The following RNF4 variants were observed in gnomAD, a reference collection of about 807,000 sequenced individuals.
The protein encoded by RNF4 is E3 ubiquitin-protein ligase RNF4.
RNF4 carries 7 observed loss-of-function variants against 24.3 expected under a neutral mutation model. The observed-to-expected ratio is 0.29, with a 90% CI of 0.16 to 0.54. RNF4 has a LOEUF of 0.54. Among genes scored for constraint, RNF4 ranks in the 20% least tolerant of loss-of-function variants. The pLI, the probability that RNF4 is intolerant of heterozygous loss-of-function variation, is 0.95. For missense variants in RNF4, 209 were observed against 248.5 expected, an observed-to-expected ratio of 0.84 and a Z score of 1.07; for synonymous variants, 83 against 84.3, an observed-to-expected ratio of 0.98 and a Z score of 0.09.
At chr4:2,470,576 A>G (rs1196807383) in intron 1 of RNF4, among the ~76,000 whole-genome samples, 1 of 152,198 alleles carries the variant, frequency 6.6e-6, no homozygotes, top group Non-Finnish European at 1.5e-5. Flanking sequence ...TTGTTTTTCT[A>G]ATCTTCATGA....
At chr4:2,492,724 T>C (rs1735618309) in intron 2 of RNF4, among the ~76,000 whole-genome samples, 1 of 152,118 alleles carries the variant, frequency 6.6e-6, no homozygotes, top group Non-Finnish European at 1.5e-5. Flanking sequence ...CTGGCCGCCA[T>C]TGTGCTCCAG....
intron 1 of RNF4, among the ~76,000 whole-genome samples, chr4:2,477,150 G>A (rs1194287977): frequency 2.0e-5 from 3 of 152,182 alleles, no homozygotes; most frequent in South Asian, 2.1e-4. Context: ...GAATACAGGT[G>A]CTGATATGGT....
At position 2,509,162 on chromosome 4, in the gene RNF4, G is replaced by A. The variant is rs117206896; in HGVS notation, c.205-2794G>A. ...TCAAACTCCCGACCTCAGGTTTTCT[G>A]CCCGCCTCTGCCTCCCAAAATGCTG... is the stretch of plus-strand genomic sequence containing the variant. On this transcript the variant is annotated intron_variant, in intron 4 of 7. Transcript: ENST00000314289. Among the ~76,000 whole-genome samples the A allele has an allele frequency of 3.5e-3, 532 of 151,492 alleles. 21 individuals carry two copies. The East Asian group carries it at 0.095, about 27-fold the overall frequency.
At chr4:2,513,341 C>G (rs181106905) in intron 7 of RNF4, among the ~76,000 whole-genome samples, 326 of 152,304 alleles carry the variant, frequency 2.1e-3, no homozygotes, top group Non-Finnish European at 2.4e-3. Flanking sequence ...CCCTATACTC[C>G]TGTATGCCCT....
chr4:2,495,922 C>T (rs1306736175), intron 2 of RNF4, among the ~76,000 whole-genome samples: 1 of 152,202 alleles, frequency 6.6e-6, no homozygotes, highest in Non-Finnish European at 1.5e-5. Context: ...TGAGCCACTG[C>T]GCCTGGCCAG....
At chr4:2,504,726 A>ATTTTTTTTTTTTTTTT (rs1182588172) in intron 4 of RNF4, among the ~76,000 whole-genome samples, 1 of 61,126 alleles carries the variant, frequency 1.6e-5, no homozygotes, top group Non-Finnish European at 3.2e-5. Flanking sequence ...CATTTTTTGT[A>ATTTTTTTTTTTTTTTT]TTTTTTTTTT....
intron 4 of RNF4, among the ~76,000 whole-genome samples, chr4:2,510,357 C>T (rs1736237364): frequency 6.6e-6 from 1 of 152,208 alleles, no homozygotes; most frequent in Admixed American, 6.5e-5. Flanking sequence ...GCTGCTGTGT[C>T]TGCTCCATGA....
chr4:2,477,606 C>T (rs1213544836), intron 1 of RNF4, among the ~76,000 whole-genome samples: 2 of 151,854 alleles, frequency 1.3e-5, no homozygotes, highest in African/African-American at 4.8e-5. Context: ...AGATCTGATG[C>T]TTTTATAAGG....
intron 1 of RNF4, among the ~76,000 whole-genome samples, chr4:2,487,528 TGCCTGCCTCA>T (rs753491567): frequency 1.3e-5 from 2 of 152,216 alleles, no homozygotes; most frequent in Non-Finnish European, 2.9e-5. Flanking sequence ...TCAAGTGATC[TGCCTGCCTCA>T]GCCTCCCAGA....
At chr4:2,499,568 G>T in intron 3 of RNF4, 1 of 216,368 alleles carries the variant, frequency 4.6e-6, no homozygotes, top group South Asian at 4.9e-5. Flanking sequence ...GAACCACTGT[G>T]CCTGGCCCAT....
Position 2,512,263 on chromosome 4 carries a change from T to C in RNF4, c.215-175T>C. On this transcript the variant is annotated intron_variant, in intron 5 of 7. Coordinates refer to ENST00000314289, the MANE Select transcript of RNF4 (RefSeq NM_002938.5). The surrounding 1 kb of genome is among the most constrained non-coding windows in gnomAD (Gnocchi z 4.1). ...GGGGGTTTCTCCTGGGAAGATAAGA[T>C]AGTGGCCTCCAGAGCTGGGCAGAAC... 4 of 770,214 alleles carry C rather than the reference T, an allele frequency of 5.2e-6. No individual in the cohort carries two copies. The highest frequency in any genetic ancestry group is 6.3e-6 in the Non-Finnish European group (3 of 474,032). 47.7% of individuals were successfully genotyped at this position (770,214 alleles called of 1,614,324 possible). A position where few individuals can be genotyped will look rare whatever the true frequency, so the allele number is the denominator to read the frequency against.
intron 3 of RNF4, chr4:2,499,337 G>A (rs568096922): frequency 2.9e-5 from 13 of 448,424 alleles, no homozygotes; most frequent in Non-Finnish European, 4.9e-5. Flanking sequence ...TGTTGCCCAG[G>A]CTGGGGTGCA....
chr4:2,490,025 G>A (rs1051191809), intron 1 of RNF4: 24 of 158,388 alleles, frequency 1.5e-4, no homozygotes, highest in Non-Finnish European at 2.4e-4. Flanking sequence ...TGAGGAGTTG[G>A]TGTGGTCATG....
At chr4:2,473,347 G>A (rs564952573) in intron 1 of RNF4, among the ~76,000 whole-genome samples, 44 of 152,206 alleles carry the variant, frequency 2.9e-4, no homozygotes, top group African/African-American at 9.4e-4. Context: ...TTGTGCCTCT[G>A]CACTACAGCC....
At chr4:2,481,981 G>A (rs545642619) in intron 1 of RNF4, among the ~76,000 whole-genome samples, 27 of 152,142 alleles carry the variant, frequency 1.8e-4, no homozygotes, top group Non-Finnish European at 3.2e-4. Flanking sequence ...AGTTGAAGAG[G>A]GCCTAGATTA....
chr4:2,500,420 AC>A (rs1030635809), intron 3 of RNF4, among the ~76,000 whole-genome samples: 1 of 151,862 alleles, frequency 6.6e-6, no homozygotes, highest in African/African-American at 2.4e-5. Context: ...CACATACATA[AC>A]CCCCCAGGTA....
intron 2 of RNF4, among the ~76,000 whole-genome samples, chr4:2,495,641 G>C (rs945209376): frequency 2.0e-4 from 30 of 148,364 alleles, no homozygotes; most frequent in African/African-American, 6.6e-4. Context: ...TTTTTTTTTG[G>C]GGGGGGGTGA....
intron 1 of RNF4, among the ~76,000 whole-genome samples, chr4:2,483,004 G>T (rs544510948): frequency 2.4e-4 from 36 of 152,332 alleles, no homozygotes; most frequent in South Asian, 1.2e-3. Context: ...TCCTCCTGGG[G>T]TGAAGGTTTG....
intron 4 of RNF4, among the ~76,000 whole-genome samples, chr4:2,507,931 T>C (rs907023670): frequency 6.6e-6 from 1 of 152,086 alleles, no homozygotes; most frequent in African/African-American, 2.4e-5. Flanking sequence ...CTCAGCTCAC[T>C]GTAGCCTCAA....
Sources: allele counts gnomAD v4.1 joint callset (sites outside exome capture counted in the v4.1 genomes callset), GRCh38; gene constraint gnomAD v4.1.1; non-coding constraint Gnocchi (gnomAD v3.1); transcripts MANE v1.5; gene names NCBI Gene and HGNC (gene_info 2026-07-23, HGNC 2026-07-21).